TMX3: variants seen among roughly 807,000 people sequenced by gnomAD.
TMX3 encodes thioredoxin related transmembrane protein 3.
TMX3 carries 40 observed loss-of-function variants against 64.4 expected under a neutral mutation model. The ratio of observed to expected loss-of-function variants is 0.62; its 90% CI spans 0.48 to 0.81. The LOEUF (loss-of-function observed/expected upper bound fraction) is 0.81. TMX3 is among the 30% of genes least tolerant of loss of function. TMX3 has a pLI of 0.00. For missense variants in TMX3, 497 were observed against 534.5 expected (o/e 0.93, Z 0.69); for synonymous variants, 189 against 175.7 (o/e 1.08, Z -0.60).
At chr18:68,711,456 C>T in intron 2 of TMX3, 53 bp from the exon 3 acceptor site, 8 of 1,304,328 alleles carry the variant, frequency 6.1e-6, no homozygotes, top group Non-Finnish European at 8.7e-6. Context: ...CACTTTACAA[C>T]TGTATAGTAT....
rs1231301640 is a variant in TMX3, at chr18:68,709,677, T to C, written c.265+344A>G. Among the ~76,000 whole-genome samples, 7 of 152,156 alleles carry C rather than the reference T, an allele frequency of 4.6e-5. No individual in the cohort carries two copies. In the East Asian group the frequency reaches 7.7e-4, roughly 17 times the overall value. Reference sequence around the variant, plus strand: ...GTCCTTTAAGTTCCCATTTTTTCTTTACAGCACATCTCAGGCTACTCAGAA... The same window carrying C: ...GTCCTTTAAGTTCCCATTTTTTCTTCACAGCACATCTCAGGCTACTCAGAA... On this transcript the variant is annotated intron_variant, in intron 4 of 15. Coordinates refer to ENST00000299608, the MANE Select transcript of TMX3 (RefSeq NM_019022.5).
In TMX3 at chr18:68,674,828, A is replaced by C. The variant is rs143433197; in HGVS notation, c.*2105T>G. On this transcript the variant is annotated 3_prime_UTR_variant, in exon 16 of 16. Coordinates refer to ENST00000299608, the MANE Select transcript of TMX3 (RefSeq NM_019022.5). Reference sequence around the variant, plus strand: ...GTTTTCCCAACAGACACACTTTAAAAGCACAAATAGAATATAAGGCAAACA... The same window carrying C: ...GTTTTCCCAACAGACACACTTTAAACGCACAAATAGAATATAAGGCAAACA... 1.3e-5 allele frequency: 2 copies of C among 152,294 alleles called. No individual in the cohort carries two copies. Among genetic ancestry groups the C allele is most frequent in the African/African-American group, 4.8e-5 (2 of 41,594 alleles). 9.4% of individuals were successfully genotyped at this position (152,294 alleles called of 1,614,324 possible).
intron 8 of TMX3, among the ~76,000 whole-genome samples, chr18:68,693,512 T>C (rs1332230237): frequency 6.6e-6 from 1 of 151,966 alleles, no homozygotes; most frequent in African/African-American, 2.4e-5. Context: ...TGCTCTGATT[T>C]TGAAGCAAAG....
At position 68,684,500 on chromosome 18, in the gene TMX3, G is replaced by C. The variant is rs1023647941; in HGVS notation, c.737-15C>G. On this transcript the variant is annotated splice_polypyrimidine_tract_variant and intron_variant, in intron 10 of 15. Coordinates refer to ENST00000299608, the MANE Select transcript of TMX3 (RefSeq NM_019022.5). ...CACAAGCTTTCCTGAAATAAAGAATGACACATCTGAATTCAATCACCCTTA... is the reference window on the plus strand; with the variant it reads ...CACAAGCTTTCCTGAAATAAAGAATCACACATCTGAATTCAATCACCCTTA... 6.2e-7 allele frequency: 1 copy of C among 1,609,284 alleles called. No individual in the cohort carries two copies. The highest frequency in any genetic ancestry group is 8.5e-7 in the Non-Finnish European group (1 of 1,177,542).
In TMX3 at chr18:68,700,460, A is replaced by G; in HGVS notation, c.337T>C (p.Tyr113His). 6.4e-7 allele frequency: 1 copy of G among 1,573,592 alleles called. No homozygotes were observed. Among genetic ancestry groups the G allele is most frequent in the South Asian group, 1.2e-5 (1 of 81,498 alleles). ...KLLKGDLAYNYRGPRTKDDII... is the reference protein window; with the variant it reads ...KLLKGDLAYNHRGPRTKDDII... ...TCATCTTTTGTTCGTGGTCCTCTATAATTATATGCCAAGTCCCCTTTTAAT... is the reference window on the plus strand; with the variant it reads ...TCATCTTTTGTTCGTGGTCCTCTATGATTATATGCCAAGTCCCCTTTTAAT... Residue 113 changes from tyrosine to histidine, a missense_variant, in exon 6 of 16, where the codon TAT (tyrosine) becomes CAT (histidine). By Grantham distance (83) the Tyr-to-His change is moderately conservative. Around this residue, in one of 3 missense-constraint regions of TMX3, gnomAD observed 360 missense variants for 383.5 expected, o/e 0.94. Coordinates refer to ENST00000299608, the MANE Select transcript of TMX3 (RefSeq NM_019022.5).
chr18:68,679,495 T>C lies in TMX3; in HGVS notation c.1072A>G (p.Arg358Gly), dbSNP rs771298468. 6.2e-7 allele frequency: 1 copy of C among 1,612,490 alleles called. No individual in the cohort carries two copies. Among genetic ancestry groups the C allele is most frequent in the Non-Finnish European group, 8.5e-7 (1 of 1,179,376 alleles). ...GTAGATTTGGCATCAAATACTATTCTTTTCAATCTCTGCAAAATGCTATCA... is the reference window on the plus strand; with the variant it reads ...GTAGATTTGGCATCAAATACTATTCCTTTCAATCTCTGCAAAATGCTATCA... Reference protein sequence around the residue: ...GGDSILQRLKRIVFDAKSTIV... With the variant: ...GGDSILQRLKGIVFDAKSTIV... Residue 358 changes from arginine to glycine, a missense_variant, in exon 15 of 16, where the codon AGA becomes GGA. By Grantham distance (125) the Arg-to-Gly change is moderately radical. Coordinates refer to ENST00000299608, the MANE Select transcript of TMX3 (RefSeq NM_019022.5).
intron 15 of TMX3, among the ~76,000 whole-genome samples, chr18:68,678,429 C>G (rs1000917074): frequency 6.6e-6 from 1 of 151,658 alleles, no homozygotes; most frequent in Non-Finnish European, 1.5e-5. Context: ...GAGTGTCAAG[C>G]GAGAAGGTTC....
chr18:68,686,507 G>A (rs1201123896), intron 10 of TMX3, among the ~76,000 whole-genome samples: 1 of 152,022 alleles, frequency 6.6e-6, no homozygotes, highest in Non-Finnish European at 1.5e-5. Context: ...TCAGGAGATC[G>A]AGCCCATCCT....
chr18:68,696,907 CGCAA>C (rs1568192018), intron 8 of TMX3: 8 of 241,736 alleles, frequency 3.3e-5, no homozygotes, highest in African/African-American at 1.4e-4. Flanking sequence ...CACATACGCA[CGCAA>C]AATAATCCAC....
chr18:68,681,922 T>C (rs1913474647), intron 13 of TMX3, among the ~76,000 whole-genome samples: 1 of 152,200 alleles, frequency 6.6e-6, no homozygotes, highest in African/African-American at 2.4e-5. Context: ...CTTGCTATTA[T>C]GTTCTGCCTG....
chr18:68,711,072 T>C lies in TMX3; in HGVS notation c.141+292A>G, dbSNP rs1397032656. On this transcript the variant is annotated intron_variant, in intron 3 of 15. Transcript: ENST00000299608. ...AATTCTGTAATAAAATCATACCCTATATCATTAAGATATAATCCAAAAGTT... is the reference window on the plus strand; with the variant it reads ...AATTCTGTAATAAAATCATACCCTACATCATTAAGATATAATCCAAAAGTT... Among the ~76,000 whole-genome samples the C allele has an allele frequency of 2.6e-5, 4 of 152,194 alleles. No individual in the cohort carries two copies. In the East Asian group the frequency reaches 7.7e-4, roughly 29 times the overall value.
intron 4 of TMX3, among the ~76,000 whole-genome samples, chr18:68,708,091 GTA>G (rs564774564): frequency 1.1e-4 from 16 of 150,334 alleles, no homozygotes; most frequent in South Asian, 6.3e-4. Flanking sequence ...ATATATGTGT[GTA>G]TATATATATA....
chr18:68,706,323 A>C (rs1185199642), intron 4 of TMX3: 1 of 152,394 alleles, frequency 6.6e-6, no homozygotes, highest in Non-Finnish European at 1.5e-5. Flanking sequence ...AGGCAGGAGA[A>C]TCACTTGAAC....
At chr18:68,678,693 A>G (rs1244635083) in intron 15 of TMX3, among the ~76,000 whole-genome samples, 2 of 152,180 alleles carry the variant, frequency 1.3e-5, no homozygotes, top group African/African-American at 4.8e-5. Context: ...GACAGTGAAG[A>G]AAGTCAAGGA....
chr18:68,683,676 T>C (rs1309210182), intron 12 of TMX3, among the ~76,000 whole-genome samples: 1 of 152,144 alleles, frequency 6.6e-6, no homozygotes, highest in Admixed American at 6.5e-5. Flanking sequence ...ATCTCTTTTT[T>C]TAGCTTGCAG....
chr18:68,678,266 A>G (rs1465064814), intron 15 of TMX3, among the ~76,000 whole-genome samples: 1 of 152,170 alleles, frequency 6.6e-6, no homozygotes, highest in Non-Finnish European at 1.5e-5. Flanking sequence ...CTATATTTTT[A>G]TGATTGCTTT....
At chr18:68,709,939 T>G in intron 4 of TMX3, 82 bp downstream of exon 4, 2 of 1,360,888 alleles carry the variant, frequency 1.5e-6, no homozygotes, top group South Asian at 3.5e-5. Context: ...CAAAAAAAAG[T>G]CTTCCTCCCA....
At chr18:68,710,974 G>A (rs1443942980) in intron 3 of TMX3, among the ~76,000 whole-genome samples, 4 of 152,104 alleles carry the variant, frequency 2.6e-5, no homozygotes, top group Non-Finnish European at 5.9e-5. Context: ...CCACTGTTAA[G>A]ATGAAAATAT....
Position 68,681,078 on chromosome 18 carries a change from T to C in TMX3, c.938A>G (p.Asn313Ser). Residue 313 changes from asparagine (N) to serine (S), a missense_variant, in exon 14 of 16, where the codon AAT becomes AGT. Asn to Ser is a conservative substitution (Grantham distance 46). This residue lies in a region of TMX3 where 360 missense variants were observed against 383.5 expected (regional missense o/e 0.94). Transcript: ENST00000299608. The part of the protein sequence containing the change: ...ELTVPTVVVL[N>S]TSNQQYFLLD... ...CAAGAAATATTGCTGGTTTGAAGTA[T>C]TCAGTACAACTACAGTTGGGACTGT... is the stretch of plus-strand genomic sequence containing the variant. 2 of 1,598,300 alleles carry C rather than the reference T, an allele frequency of 1.3e-6. No homozygotes were observed. The highest frequency in any genetic ancestry group is 1.3e-5 in the African/African-American group (1 of 74,516).
Sources: gnomAD v4.1 joint callset for allele counts (sites outside exome capture counted in the v4.1 genomes callset) on GRCh38, gnomAD v4.1.1 for gene constraint, gnomAD v4.1.1 regional missense constraint, MANE v1.5 for transcripts, NCBI Gene and HGNC (gene_info 2026-07-23, HGNC 2026-07-21) for gene names.